GPHN: variants seen among roughly 807,000 people sequenced by gnomAD.
GPHN encodes gephyrin.
Under a neutral mutation model 95.5 loss-of-function variants are expected in GPHN, and 17 were observed. That is an observed-to-expected ratio of 0.18 (90% CI 0.12 to 0.27). The LOEUF (loss-of-function observed/expected upper bound fraction) is 0.27. GPHN is among the 10% of genes least tolerant of loss of function. The pLI, the probability that GPHN is intolerant of heterozygous loss-of-function variation, is 1.00. For missense variants in GPHN, 660 were observed against 978.1 expected, an observed-to-expected ratio of 0.67 and a Z score of 4.34; for synonymous variants, 320 against 322.5, an observed-to-expected ratio of 0.99 and a Z score of 0.08.
the GPHN span, chr14:67,397,782 C>T: frequency 1.2e-6 from 2 of 1,612,980 alleles, no homozygotes; most frequent in African/African-American, 1.3e-5. Flanking sequence ...GCGTGTTCTG[C>T]CGAAGGATGA....
chr14:67,048,227 G>A (rs753691529), intron 10 of GPHN, among the ~76,000 whole-genome samples: 2 of 152,138 alleles, frequency 1.3e-5, no homozygotes, highest in Non-Finnish European at 2.9e-5. Context: ...TGACAATCCT[G>A]AGTGAACCCC....
chr14:67,550,195 T>A, the GPHN span, among the ~76,000 whole-genome samples: 1 of 152,162 alleles, frequency 6.6e-6, no homozygotes, highest in African/African-American at 2.4e-5. Flanking sequence ...GTCTTTATAT[T>A]TTTTATTTTT....
chr14:66,804,247 A>T (rs534302595), intron 3 of GPHN, among the ~76,000 whole-genome samples: 1 of 152,302 alleles, frequency 6.6e-6, no homozygotes, highest in Non-Finnish European at 1.5e-5. Flanking sequence ...TCCCTCAGTC[A>T]TGAAAGACAC....
intron 2 of GPHN, among the ~76,000 whole-genome samples, chr14:66,756,768 C>T (rs768356507): frequency 2.0e-5 from 3 of 152,030 alleles, no homozygotes; most frequent in African/African-American, 4.8e-5. Flanking sequence ...TAAATGCTTT[C>T]AGTTATTTTA....
At chr14:66,750,357 G>A (rs748513740) in intron 2 of GPHN, among the ~76,000 whole-genome samples, 1 of 151,664 alleles carries the variant, frequency 6.6e-6, no homozygotes, top group Non-Finnish European at 1.5e-5. Context: ...TTCCAATTTT[G>A]GCTCTGCAAG....
intron 1 of GPHN, among the ~76,000 whole-genome samples, chr14:66,635,023 G>T (rs747260955): frequency 6.6e-6 from 1 of 152,162 alleles, no homozygotes; most frequent in Admixed American, 6.5e-5. Flanking sequence ...GATAGCTGGG[G>T]CATCTAAAAT....
chr14:67,222,801 T>C, the GPHN span, among the ~76,000 whole-genome samples: 1 of 151,856 alleles, frequency 6.6e-6, no homozygotes, highest in African/African-American at 2.4e-5. Context: ...GCTTCAGTCA[T>C]GCACATAAAA....
the GPHN span, chr14:67,383,274 A>G: frequency 6.2e-7 from 1 of 1,603,850 alleles, no homozygotes; most frequent in South Asian, 1.1e-5. Flanking sequence ...TTTGTATAGT[A>G]TTTACTACTT....
the GPHN span, among the ~76,000 whole-genome samples, chr14:67,716,101 G>A: frequency 2.6e-5 from 4 of 151,974 alleles, no homozygotes; most frequent in Admixed American, 2.6e-4. Context: ...GGAGACTGAG[G>A]CAGGAGAATG....
intron 17 of GPHN, among the ~76,000 whole-genome samples, chr14:67,136,940 G>T (rs562489402): frequency 1.3e-5 from 2 of 151,826 alleles, no homozygotes; most frequent in Non-Finnish European, 2.9e-5. Flanking sequence ...TAATCCCAGC[G>T]CTTTGGGAGG....
chr14:67,401,132 T>G, the GPHN span, among the ~76,000 whole-genome samples: 1 of 152,134 alleles, frequency 6.6e-6, no homozygotes, highest in African/African-American at 2.4e-5. Flanking sequence ...AAGAGGGAAT[T>G]AAATTAAAAT....
the GPHN span, among the ~76,000 whole-genome samples, chr14:67,207,802 T>C: frequency 6.6e-6 from 1 of 152,184 alleles, no homozygotes; most frequent in African/African-American, 2.4e-5. Context: ...TCTTTTATAT[T>C]ATGAGCCCCC....
At chr14:67,541,797 T>A in the GPHN span, 2 of 1,393,480 alleles carry the variant, frequency 1.4e-6, no homozygotes, top group Non-Finnish European at 9.6e-7. Context: ...CTCACACGCT[T>A]ATTTATCTTT....
chr14:67,645,144 G>C, the GPHN span, among the ~76,000 whole-genome samples: 2 of 151,510 alleles, frequency 1.3e-5, no homozygotes, highest in South Asian at 4.2e-4. Context: ...TTGGTGAGTC[G>C]TTACCTATAG....
chr14:67,724,615 C>A, the GPHN span: 2 of 1,516,398 alleles, frequency 1.3e-6, no homozygotes, highest in Non-Finnish European at 1.8e-6. Context: ...CTTTAGTCTC[C>A]AAAGGGCCAT....
intron 5 of GPHN, among the ~76,000 whole-genome samples, chr14:66,914,060 A>T (rs1187691030): frequency 1.3e-5 from 2 of 152,154 alleles, no homozygotes; most frequent in East Asian, 3.8e-4. Flanking sequence ...TAGTAAAAAA[A>T]AAAATTGATG....
At chr14:66,512,225 A>T (rs932900875) in intron 1 of GPHN, among the ~76,000 whole-genome samples, 1 of 151,882 alleles carries the variant, frequency 6.6e-6, no homozygotes, top group African/African-American at 2.4e-5. Context: ...GTTACATAGC[A>T]GGCTCACTAT....
At chr14:66,942,493 A>C (rs2067485045) in intron 8 of GPHN, among the ~76,000 whole-genome samples, 1 of 152,240 alleles carries the variant, frequency 6.6e-6, no homozygotes, top group Non-Finnish European at 1.5e-5. Flanking sequence ...ATCAAAACAA[A>C]ACAAAAATTG....
chr14:67,439,277 T>G, the GPHN span, among the ~76,000 whole-genome samples: 1 of 152,230 alleles, frequency 6.6e-6, no homozygotes, highest in Non-Finnish European at 1.5e-5. Context: ...GTGTTTAGAA[T>G]AGTATCAGGA....
Sources: allele counts gnomAD v4.1 joint callset (sites outside exome capture counted in the v4.1 genomes callset), GRCh38; gene constraint gnomAD v4.1.1; transcripts MANE v1.5; gene names NCBI Gene and HGNC (gene_info 2026-07-23, HGNC 2026-07-21).